The following PDE1A variants were observed in gnomAD, a reference collection of about 807,000 sequenced individuals.
The protein encoded by PDE1A is phosphodiesterase 1A.
In PDE1A, 35 loss-of-function variants were observed where a neutral mutation model predicts 61.7. The ratio of observed to expected loss-of-function variants is 0.57; its 90% CI spans 0.43 to 0.75. PDE1A has a LOEUF of 0.75. Among genes scored for constraint, PDE1A ranks in the 30% least tolerant of loss-of-function variants. The pLI, the probability that PDE1A is intolerant of heterozygous loss-of-function variation, is 0.00. For missense variants in PDE1A, 597 were observed against 630.6 expected (o/e 0.95, Z 0.57); for synonymous variants, 232 against 213.2 (o/e 1.09, Z -0.77).
chr2:182,655,796 T>C, the PDE1A span, among the ~76,000 whole-genome samples: 1 of 152,238 alleles, frequency 6.6e-6, no homozygotes, highest in Non-Finnish European at 1.5e-5. Context: ...AATGTCTTCA[T>C]TCCAGTTCTC....
intron 2 of PDE1A, among the ~76,000 whole-genome samples, chr2:182,445,501 TA>T (rs1376740802): frequency 6.6e-6 from 1 of 152,132 alleles, no homozygotes; most frequent in Non-Finnish European, 1.5e-5. Flanking sequence ...TTGAAACTGA[TA>T]AATATTGTTT....
intron 2 of PDE1A, 57 bp downstream of exon 2, chr2:182,264,244 A>C (rs1692438304): frequency 8.5e-7 from 1 of 1,176,708 alleles, no homozygotes; most frequent in African/African-American, 1.5e-5. Context: ...GTCAAGAAAG[A>C]GGAAGAAAAA....
intron 1 of PDE1A, among the ~76,000 whole-genome samples, chr2:182,324,972 T>C (rs913969431): frequency 3.3e-5 from 5 of 152,224 alleles, no homozygotes; most frequent in African/African-American, 9.6e-5. Flanking sequence ...AAAGGTTCAA[T>C]GATTTGCTCA....
At chr2:182,195,316 A>G (rs898235847) in intron 10 of PDE1A, among the ~76,000 whole-genome samples, 4 of 152,038 alleles carry the variant, frequency 2.6e-5, no homozygotes, top group Non-Finnish European at 5.9e-5. Flanking sequence ...CTTTTGTTCT[A>G]TCACTTTGCT....
intron 1 of PDE1A, among the ~76,000 whole-genome samples, chr2:182,412,057 C>T (rs753238653): frequency 1.6e-5 from 1 of 62,538 alleles, no homozygotes; most frequent in African/African-American, 7.3e-5. Context: ...GACTCCATCT[C>T]GAAAAAAAAA....
chr2:182,516,702 G>GGA (rs1690179893), intron 2 of PDE1A, among the ~76,000 whole-genome samples: 5 of 116,764 alleles, frequency 4.3e-5, no homozygotes, highest in Admixed American at 9.3e-5. Context: ...GGGAGGAAGG[G>GGA]AGGAAGGAAG....
At chr2:182,395,532 G>A (rs183577741) in intron 1 of PDE1A, among the ~76,000 whole-genome samples, 8 of 152,302 alleles carry the variant, frequency 5.3e-5, no homozygotes, top group Admixed American at 2.0e-4. Flanking sequence ...ATAAGTTGCT[G>A]CATTTGGCCC....
intron 1 of PDE1A, among the ~76,000 whole-genome samples, chr2:182,365,509 A>G (rs1699786327): frequency 6.6e-6 from 1 of 152,036 alleles, no homozygotes; most frequent in South Asian, 2.1e-4. Flanking sequence ...CTTCTCAGTC[A>G]CAAAATGGAC....
intron 1 of PDE1A, among the ~76,000 whole-genome samples, chr2:182,337,278 T>C (rs1265795152): frequency 1.3e-5 from 2 of 152,092 alleles, no homozygotes; most frequent in Admixed American, 6.6e-5. Context: ...AGCAGAACAT[T>C]AAGTGGAAAG....
intron 2 of PDE1A, among the ~76,000 whole-genome samples, chr2:182,241,094 A>G (rs1471684439): frequency 1.3e-5 from 2 of 152,182 alleles, no homozygotes; most frequent in Non-Finnish European, 1.5e-5. Flanking sequence ...CTGCTGAGTA[A>G]TAACAGCTGC....
chr2:182,680,660 T>G, the PDE1A span, among the ~76,000 whole-genome samples: 29 of 152,314 alleles, frequency 1.9e-4, no homozygotes, highest in Middle Eastern at 3.4e-3. Context: ...TCTCACAGTT[T>G]GTGACGTTTC....
At chr2:182,648,168 C>T in the PDE1A span, among the ~76,000 whole-genome samples, 12 of 152,218 alleles carry the variant, frequency 7.9e-5, no homozygotes, top group Middle Eastern at 3.4e-3. Context: ...AAGTGCCTCA[C>T]GTGTTCCTCA....
chr2:182,402,535 A>G (rs917102063), intron 1 of PDE1A, among the ~76,000 whole-genome samples: 1 of 152,222 alleles, frequency 6.6e-6, no homozygotes, highest in African/African-American at 2.4e-5. Flanking sequence ...CAAGATTAAG[A>G]TTAAAGACTT....
chr2:182,184,625 A>C (rs998258026), intron 13 of PDE1A, among the ~76,000 whole-genome samples: 24 of 152,318 alleles, frequency 1.6e-4, no homozygotes, highest in African/African-American at 4.3e-4. Context: ...TAGCTCTGAC[A>C]CACAAGAAGA....
chr2:182,406,470 T>A (rs1702303773), intron 1 of PDE1A, among the ~76,000 whole-genome samples: 1 of 152,166 alleles, frequency 6.6e-6, no homozygotes, highest in South Asian at 2.1e-4. Flanking sequence ...TGTTCTTTCA[T>A]TCAGCAAGTA....
the PDE1A span, among the ~76,000 whole-genome samples, chr2:182,615,387 T>G: frequency 9.9e-5 from 15 of 151,862 alleles, no homozygotes; most frequent in Non-Finnish European, 2.1e-4. Flanking sequence ...AAAAAAAAAG[T>G]GGTAGTTATT....
the PDE1A span, among the ~76,000 whole-genome samples, chr2:182,562,652 C>G: frequency 2.6e-5 from 4 of 151,936 alleles, no homozygotes; most frequent in African/African-American, 7.2e-5. Flanking sequence ...CCTTGTACCT[C>G]TGGTAGAATT....
chr2:182,692,705 A>C, the PDE1A span, among the ~76,000 whole-genome samples: 1 of 148,640 alleles, frequency 6.7e-6, no homozygotes, highest in Admixed American at 6.7e-5. Flanking sequence ...TATATGTAAT[A>C]TATATAAAAG....
intron 2 of PDE1A, among the ~76,000 whole-genome samples, chr2:182,479,520 A>G (rs938589923): frequency 1.3e-5 from 2 of 151,940 alleles, no homozygotes; most frequent in South Asian, 4.2e-4. Context: ...GGCAGGCAAG[A>G]AGGAAGGGAG....
Sources: allele counts gnomAD v4.1 joint callset (sites outside exome capture counted in the v4.1 genomes callset), GRCh38; gene constraint gnomAD v4.1.1; transcripts MANE v1.5; gene names NCBI Gene and HGNC (gene_info 2026-07-23, HGNC 2026-07-21).